Variants in BPTF observed in about 807,000 individuals in gnomAD.
The protein encoded by BPTF is bromodomain PHD finger transcription factor.
A neutral mutation model predicts 292.5 loss-of-function variants in BPTF; 18 were observed. That is an observed-to-expected ratio of 0.06 (90% CI 0.04 to 0.09). The LOEUF is 0.09. BPTF is among the 10% of genes least tolerant of loss of function. The pLI, the probability that BPTF is intolerant of heterozygous loss-of-function variation, is 1.00. For missense variants in BPTF, 2,726 were observed against 3,498.7 expected (o/e 0.78, Z 5.57); for synonymous variants, 1,225 against 1,251.9 (o/e 0.98, Z 0.45).
intron 7 of BPTF, among the ~76,000 whole-genome samples, chr17:67,902,970 A>T (rs1468794737): frequency 6.6e-6 from 1 of 152,198 alleles, no homozygotes; most frequent in Non-Finnish European, 1.5e-5. Context: ...ATTCATAAAA[A>T]TCTAGTCTAA....
chr17:67,970,598 G>A (rs2068656936), intron 26 of BPTF, among the ~76,000 whole-genome samples: 3 of 152,158 alleles, frequency 2.0e-5, no homozygotes, highest in Admixed American at 6.6e-5. Flanking sequence ...GTTTAGAAAT[G>A]CATAGAAAAT....
chr17:67,924,013 T>C (rs2063660241), intron 14 of BPTF, among the ~76,000 whole-genome samples: 1 of 151,096 alleles, frequency 6.6e-6, no homozygotes, highest in South Asian at 2.1e-4. Flanking sequence ...GGCTGTTTTT[T>C]TTTAAGACGG....
intron 1 of BPTF, among the ~76,000 whole-genome samples, chr17:67,851,148 C>T (rs970030527): frequency 2.0e-5 from 3 of 152,064 alleles, no homozygotes; most frequent in Non-Finnish European, 4.4e-5. Context: ...CATGAAGCTT[C>T]GGCAGAGTCT....
intron 2 of BPTF, among the ~76,000 whole-genome samples, chr17:67,862,638 A>G (rs991714584): frequency 6.6e-6 from 1 of 152,098 alleles, no homozygotes; most frequent in Non-Finnish European, 1.5e-5. Flanking sequence ...TGCTAGTTTT[A>G]TCAGTTTCCT....
At chr17:67,834,008 T>C (rs2056931937) in intron 1 of BPTF, among the ~76,000 whole-genome samples, 1 of 152,188 alleles carries the variant, frequency 6.6e-6, no homozygotes, top group Admixed American at 6.5e-5. Flanking sequence ...TCCTTATTTC[T>C]TCTCTTCATC....
At chr17:67,827,960 C>G (rs1458850350) in intron 1 of BPTF, among the ~76,000 whole-genome samples, 2 of 136,460 alleles carry the variant, frequency 1.5e-5, no homozygotes, top group Admixed American at 7.9e-5. Flanking sequence ...GAGAGGGAGT[C>G]TTGCTCTGTC....
At chr17:67,925,637 T>C (rs1335908510) in intron 15 of BPTF, among the ~76,000 whole-genome samples, 1 of 152,232 alleles carries the variant, frequency 6.6e-6, no homozygotes, top group African/African-American at 2.4e-5. Context: ...AACTTCAGTA[T>C]ATAAACATTG....
Position 67,911,476 on chromosome 17 carries a change from A to G in BPTF, c.3592A>G (p.Ser1198Gly). ...AGAAGAAAAAGTCTCTGACCTTGCC[A>G]GTAGAGGCCAGGAACCCAGTAAGAG... ...DIEEKVSDLASRGQEPSKSKT... is the reference protein window; with the variant it reads ...DIEEKVSDLAGRGQEPSKSKT... The change falls in exon 11 of 28, where the codon AGT (serine) becomes GGT (glycine). Residue 1198 changes from serine (S) to glycine (G), a missense_variant. Physicochemically the swap from Ser to Gly is moderately conservative, Grantham distance 56. Transcript: ENST00000306378. 1.9e-6 allele frequency: 3 copies of G among 1,614,094 alleles called. No homozygotes were observed. The South Asian group carries it at 3.3e-5, about 18-fold the overall frequency.
chr17:67,945,287 A>G (rs2065721319), intron 20 of BPTF, 122 bp from the exon 21 acceptor site: 1 of 1,487,202 alleles, frequency 6.7e-7, no homozygotes, highest in South Asian at 1.4e-5. Context: ...CCCAAGGTGC[A>G]CAGGTGTGAG....
Position 67,825,926 on chromosome 17 carries a change from A to T in BPTF, c.202A>T (p.Arg68Trp), listed in dbSNP as rs2055952760. 6 of 1,006,810 alleles carry T rather than the reference A, an allele frequency of 6.0e-6. No homozygotes were observed. Among genetic ancestry groups the T allele is most frequent in the South Asian group, 9.0e-5 (2 of 22,240 alleles). 62.4% of individuals were successfully genotyped at this position (1,006,810 alleles called of 1,614,324 possible). ...GCCCAAGACGCGGCTGAGCTCGCCC[A>T]GGGGGGGCAGCAGTAGCCGGAGGAA... ...VAPKTRLSSP[R>W]GGSSSRRKPP... Residue 68 changes from arginine to tryptophan, a missense_variant, in exon 1 of 28, where the codon AGG becomes TGG. This residue lies in a region of BPTF where 103 missense variants were observed against 72.1 expected (regional missense o/e 1.43). Transcript: ENST00000306378.
At chr17:67,960,051 A>T (rs986173112) in intron 24 of BPTF, 176 bp downstream of exon 24, 4 of 535,574 alleles carry the variant, frequency 7.5e-6, no homozygotes, top group Non-Finnish European at 1.3e-5. Flanking sequence ...GTAAAGTAAA[A>T]TTTGCTATTT....
At chr17:67,845,731 C>A (rs1370248876) in intron 1 of BPTF, among the ~76,000 whole-genome samples, 3 of 151,880 alleles carry the variant, frequency 2.0e-5, no homozygotes, top group African/African-American at 7.3e-5. Context: ...TATGATAGCA[C>A]CACTGCACTC....
intron 1 of BPTF, among the ~76,000 whole-genome samples, chr17:67,843,545 G>GA (rs1464043687): frequency 1.4e-5 from 2 of 148,098 alleles, no homozygotes; most frequent in Non-Finnish European, 3.0e-5. Context: ...TATATATATA[G>GA]TATAAATATC....
At chr17:67,970,847 T>C (rs1168388830) in intron 26 of BPTF, among the ~76,000 whole-genome samples, 1 of 152,190 alleles carries the variant, frequency 6.6e-6, no homozygotes, top group Non-Finnish European at 1.5e-5. Flanking sequence ...TTGTGTGTAG[T>C]TTTTGCTAGT....
chr17:67,974,358 G>A (rs1468495634), intron 26 of BPTF: 1 of 151,956 alleles, frequency 6.6e-6, no homozygotes, highest in Admixed American at 6.6e-5. Context: ...TCTGTTTGGC[G>A]GCCTCTGGTC....
intron 19 of BPTF, among the ~76,000 whole-genome samples, chr17:67,943,449 G>A (rs529420416): frequency 2.0e-5 from 3 of 152,146 alleles, no homozygotes; most frequent in Non-Finnish European, 4.4e-5. Context: ...CTGGACAGAA[G>A]AGAGAGCGCC....
At chr17:67,919,576 A>C (rs1437563651) in intron 12 of BPTF, among the ~76,000 whole-genome samples, 1 of 152,156 alleles carries the variant, frequency 6.6e-6, no homozygotes, top group Non-Finnish European at 1.5e-5. Flanking sequence ...GCTTTGTTGA[A>C]GTTTGGCACA....
In BPTF at chr17:67,891,943, G is replaced by A. The variant is rs778176775; in HGVS notation, c.1964G>A (p.Arg655Gln). 1.2e-6 allele frequency: 2 copies of A among 1,612,840 alleles called. No homozygotes were observed. The highest frequency in any genetic ancestry group is 1.1e-5 in the South Asian group (1 of 90,796). Residue 655 changes from arginine to glutamine, a missense_variant, in exon 5 of 28, where the codon CGG becomes CAG. Coordinates refer to ENST00000306378, the MANE Select transcript of BPTF (RefSeq NM_182641.4). The stretch of plus-strand genomic sequence containing the variant: ...TCAACTCGAATCATCACCAGATTGC[G>A]GAATCCAGATAGCAAACTTAGTCAG... ...SGSTRIITRL[R>Q]NPDSKLSQLK...
Position 67,912,185 on chromosome 17 carries a change from G to C in BPTF, c.4301G>C (p.Gly1434Ala). Residue 1434 changes from glycine to alanine, a missense_variant, in exon 11 of 28, where the codon GGT becomes GCT. Physicochemically the swap from Gly to Ala is moderately conservative, Grantham distance 60 (BLOSUM62 0). Transcript: ENST00000306378. Reference protein sequence around the residue: ...KEISESRVVSGNVEPKVNNIN... With the variant: ...KEISESRVVSANVEPKVNNIN... ...ATTTCTGAGAGTAGAGTAGTAAGTG[G>C]TAATGTTGAACCAAAGGTTAATAAT... 1 of 1,611,356 alleles carries C rather than the reference G, an allele frequency of 6.2e-7. No homozygotes were observed. The highest frequency in any genetic ancestry group is 2.2e-5 in the East Asian group (1 of 44,864).
Sources: gnomAD v4.1 joint callset for allele counts (sites outside exome capture counted in the v4.1 genomes callset) on GRCh38, gnomAD v4.1.1 for gene constraint, gnomAD v4.1.1 regional missense constraint, MANE v1.5 for transcripts, NCBI Gene and HGNC (gene_info 2026-07-23, HGNC 2026-07-21) for gene names.